ZNF860: variants seen among roughly 807,000 people sequenced by gnomAD.
The protein encoded by ZNF860 is zinc finger protein 860.
For missense variants in ZNF860, 641 were observed against 759.2 expected (o/e 0.84, Z 1.83); for synonymous variants, 206 against 248.9 (o/e 0.83, Z 1.62).
chr3:31,998,206 G>A, the ZNF860 span, among the ~76,000 whole-genome samples: 43 of 152,198 alleles, frequency 2.8e-4, no homozygotes, highest in African/African-American at 9.9e-4. Context: ...GTACTATGAT[G>A]TGTGAGAGAG....
At chr3:31,997,024 TTATAGTTACC>T in the ZNF860 span, among the ~76,000 whole-genome samples, 1 of 152,164 alleles carries the variant, frequency 6.6e-6, no homozygotes, top group South Asian at 2.1e-4. Context: ...GAGCCTTTAT[TTATAGTTACC>T]ACACGTTTCT....
chr3:31,998,007 G>C, the ZNF860 span, among the ~76,000 whole-genome samples: 1 of 151,980 alleles, frequency 6.6e-6, no homozygotes, highest in African/African-American at 2.4e-5. Flanking sequence ...TGCCCAGACT[G>C]GTCTCAGACT....
At position 31,990,548 on chromosome 3, in the gene ZNF860, C is replaced by A. The variant is rs1319025032; in HGVS notation, c.1469C>A (p.Thr490Asn). Residue 490 changes from threonine (T) to asparagine (N), a missense_variant, in exon 2 of 2, where the codon ACC becomes AAC. Thr to Asn is a moderately conservative substitution (Grantham distance 65, BLOSUM62 0). Transcript: ENST00000360311. ...TACAAGTGTAATGAGTGTGGCAAGACCTTCCGTCACAATTCAGCCCTTGTA... is the reference window on the plus strand; with the variant it reads ...TACAAGTGTAATGAGTGTGGCAAGAACTTCCGTCACAATTCAGCCCTTGTA... ...KPYKCNECGK[T>N]FRHNSALVIH... 3 of 1,607,928 alleles carry A rather than the reference C, an allele frequency of 1.9e-6. No individual in the cohort carries two copies. The East Asian group carries it at 6.8e-5, about 36-fold the overall frequency.
In ZNF860 at chr3:31,991,314, T is replaced by C. The variant is rs1427962038; in HGVS notation, c.*336T>C. 17 of 258,074 alleles carry C rather than the reference T, an allele frequency of 6.6e-5. No individual in the cohort carries two copies. The East Asian group carries it at 1.6e-3, about 24-fold the overall frequency. The allele number at this position is 258,074 out of a possible 1,614,324, so 16.0% of individuals were successfully genotyped here. A position where few individuals can be genotyped will look rare whatever the true frequency, so the allele number is the denominator to read the frequency against. Reference sequence around the variant, plus strand: ...TTTTTGTTTCTGATAGGGATTTTTATGGGTATTGTGTTGAATCTAAATCAC... The same window carrying C: ...TTTTTGTTTCTGATAGGGATTTTTACGGGTATTGTGTTGAATCTAAATCAC... On this transcript the variant is annotated 3_prime_UTR_variant, in exon 2 of 2. Transcript: ENST00000360311.
rs138403416 is a variant in ZNF860 at position 31,986,928 on chromosome 3, G to A, written c.-420-1732G>A. The stretch of plus-strand genomic sequence containing the variant: ...AGGCTGAGCCAGGAGGATTGCTTGC[G>A]CCCAGAAATTTGAGGCTGCAGTGAG... On this transcript the variant is annotated intron_variant, in intron 1 of 1. Transcript: ENST00000360311. 2.8e-3 allele frequency among the ~76,000 whole-genome samples: 427 copies of A among 152,134 alleles called. 3 individuals are homozygous for A. Among genetic ancestry groups the A allele is most frequent in the African/African-American group, 9.2e-3 (383 of 41,528 alleles).
downstream of ZNF860, among the ~76,000 whole-genome samples, chr3:31,995,457 CTTTT>C (rs1699081754): frequency 1.3e-5 from 2 of 152,178 alleles, no homozygotes; most frequent in Non-Finnish European, 2.9e-5. Context: ...AAATATGGCT[CTTTT>C]TGCCCAACCC....
downstream of ZNF860, among the ~76,000 whole-genome samples, chr3:31,995,168 A>G (rs1313301423): frequency 6.6e-6 from 1 of 152,182 alleles, no homozygotes; most frequent in Admixed American, 6.5e-5. Context: ...AAACATCTTA[A>G]CAGAAAACAG....
intron 1 of ZNF860, among the ~76,000 whole-genome samples, chr3:31,982,394 G>C (rs539001357): frequency 6.6e-6 from 1 of 152,118 alleles, no homozygotes; most frequent in Non-Finnish European, 1.5e-5. Flanking sequence ...GGTGATAGAT[G>C]ATAGGTGATC....
downstream of ZNF860, among the ~76,000 whole-genome samples, chr3:31,993,832 A>G (rs1014222276): frequency 1.3e-5 from 2 of 152,190 alleles, no homozygotes; most frequent in South Asian, 4.1e-4. Context: ...AAAGTTAAAC[A>G]TACAATATGA....
downstream of ZNF860, among the ~76,000 whole-genome samples, chr3:31,993,446 G>C (rs1423300803): frequency 6.6e-6 from 1 of 151,990 alleles, no homozygotes; most frequent in Non-Finnish European, 1.5e-5. Context: ...GACCTCAGGT[G>C]ATCCACCCGC....
chr3:31,983,422 C>A (rs1160746622), intron 1 of ZNF860, among the ~76,000 whole-genome samples: 1 of 152,166 alleles, frequency 6.6e-6, no homozygotes, highest in Non-Finnish European at 1.5e-5. Flanking sequence ...AATGAGCTAG[C>A]ACAACAAATT....
At chr3:31,993,675 C>CACACAT (rs1418788077), downstream of ZNF860, among the ~76,000 whole-genome samples, 1 of 130,488 alleles carries the variant, frequency 7.7e-6, no homozygotes, top group Non-Finnish European at 1.5e-5. Flanking sequence ...CATGACTACA[C>CACACAT]ACACATACAC....
At chr3:31,993,335 G>A (rs1699054941), downstream of ZNF860, among the ~76,000 whole-genome samples, 1 of 151,614 alleles carries the variant, frequency 6.6e-6, no homozygotes, top group Admixed American at 6.6e-5. Context: ...TCAGCCTCCC[G>A]GTAGCTGGGA....
At chr3:31,987,070 GTATA>G (rs1698944200) in intron 1 of ZNF860, among the ~76,000 whole-genome samples, 1 of 151,586 alleles carries the variant, frequency 6.6e-6, no homozygotes, top group African/African-American at 2.4e-5. Flanking sequence ...ATATATATGT[GTATA>G]TATACTTTTA....
At position 31,989,602 on chromosome 3, in the gene ZNF860, G is replaced by C; in HGVS notation, c.523G>C (p.Val175Leu). The change falls in exon 2 of 2, where the codon GTT becomes CTT. Residue 175 changes from valine to leucine, a missense_variant. Physicochemically the swap from Val to Leu is conservative, Grantham distance 32 (BLOSUM62 1). Coordinates refer to ENST00000360311, the MANE Select transcript of ZNF860 (RefSeq NM_001137674.3). ...CCACATATTTCAGACCAAAGGGAAA[G>C]TTGGTAATCAAGTTGAGAAGTCTAT... is the stretch of plus-strand genomic sequence containing the variant. ...ELHIFQTKGK[V>L]GNQVEKSIND... 6.2e-7 allele frequency: 1 copy of C among 1,614,208 alleles called. No homozygotes were observed. Among genetic ancestry groups the C allele is most frequent in the Non-Finnish European group, 8.5e-7 (1 of 1,180,016 alleles).
the ZNF860 span, among the ~76,000 whole-genome samples, chr3:32,005,611 T>C: frequency 3.3e-5 from 5 of 152,186 alleles, no homozygotes; most frequent in Admixed American, 6.5e-5. Context: ...TTCTCTGAGA[T>C]GGAGTTTCAC....
chr3:31,984,592 T>C (rs1698907693), intron 1 of ZNF860, among the ~76,000 whole-genome samples: 1 of 152,164 alleles, frequency 6.6e-6, no homozygotes, highest in African/African-American at 2.4e-5. Context: ...ATAGTGGTGT[T>C]ATCTATAGGA....
chr3:31,997,688 G>A, the ZNF860 span, among the ~76,000 whole-genome samples: 2 of 151,906 alleles, frequency 1.3e-5, no homozygotes, highest in Admixed American at 6.6e-5. Context: ...TTCATCAAGC[G>A]AACATCTGGA....
chr3:31,984,119 G>A (rs555876624), intron 1 of ZNF860, among the ~76,000 whole-genome samples: 1 of 152,154 alleles, frequency 6.6e-6, no homozygotes, highest in East Asian at 1.9e-4. Context: ...CTCACTGCAA[G>A]CCCTGCCTCC....
Sources: gnomAD v4.1 joint callset for allele counts (sites outside exome capture counted in the v4.1 genomes callset) on GRCh38, gnomAD v4.1.1 for gene constraint, MANE v1.5 for transcripts, NCBI Gene and HGNC (gene_info 2026-07-23, HGNC 2026-07-21) for gene names.